The following SP140 variants were observed in gnomAD, a reference collection of about 807,000 sequenced individuals.
SP140 encodes the protein SP140 nuclear body protein, also known as nuclear body protein SP140.
SP140 carries 81 observed loss-of-function variants against 125.0 expected under a neutral mutation model. The observed-to-expected ratio is 0.65, with a 90% confidence interval of 0.54 to 0.78. The LOEUF is 0.78. SP140 is among the 30% of genes least tolerant of loss of function. The probability of loss-of-function intolerance (pLI) is 0.00; values close to 1 mark genes in which losing one functional copy is unlikely to be tolerated. For synonymous variants in SP140, 312 were observed against 354.0 expected, an observed-to-expected ratio of 0.88 and a Z score of 1.33; for missense variants, 858 against 1,037.0, an observed-to-expected ratio of 0.83 and a Z score of 2.37.
the SP140 span, among the ~76,000 whole-genome samples, chr2:230,196,376 A>G: frequency 6.6e-6 from 1 of 152,274 alleles, no homozygotes. Context: ...AAAATAGATA[A>G]CATTGATACA....
upstream of SP140, chr2:230,201,018 C>T (rs2043131105): frequency 2.9e-6 from 4 of 1,395,542 alleles, no homozygotes; most frequent in Admixed American, 3.3e-5. Flanking sequence ...CATGGAGAAT[C>T]TCCCAGAGAC....
chr2:230,206,571 AT>A (rs2043828441), intron 1 of SP140, among the ~76,000 whole-genome samples: 1 of 128,132 alleles, frequency 7.8e-6, no homozygotes, highest in African/African-American at 2.9e-5. Context: ...TGGTCCAGAT[AT>A]TATATATTAT....
At chr2:230,244,951 G>C in intron 5 of SP140, 37 bp from the exon 6 acceptor site, 3 of 1,448,818 alleles carry the variant, frequency 2.1e-6, no homozygotes, top group Non-Finnish European at 2.9e-6. Context: ...GCATCCTGAG[G>C]TCTGTGCTCT....
rs111399897 is a variant in SP140 at position 230,237,973 on chromosome 2, A to C, written c.238-240A>C. Among the ~76,000 whole-genome samples the C allele has an allele frequency of 0.013, 1,968 of 152,338 alleles. 32 individuals carry two copies. Among genetic ancestry groups the C allele is most frequent in the African/African-American group, 0.036 (1,493 of 41,566 alleles). ...GGCTCTAAAGCCATACACAACATTC[A>C]ACTTTGAACCCACACTTATTATTTA... On this transcript the variant is annotated intron_variant, in intron 2 of 26. Coordinates refer to ENST00000392045, the MANE Select transcript of SP140 (RefSeq NM_007237.5). This position sits in a 1 kb window ranked among gnomAD's most constrained non-coding sequence, Gnocchi z 5.4.
intron 12 of SP140, among the ~76,000 whole-genome samples, chr2:230,266,042 G>T (rs867421984): frequency 2.7e-4 from 41 of 152,064 alleles, no homozygotes; most frequent in African/African-American, 9.7e-4. Flanking sequence ...CATGAGAATG[G>T]CCCCAAGATA....
At chr2:230,222,401 G>A (rs2148985553), upstream of SP140, among the ~76,000 whole-genome samples, 1 of 152,172 alleles carries the variant, frequency 6.6e-6, no homozygotes. Flanking sequence ...TTTACCAAAT[G>A]TAGTTACTAC....
chr2:230,304,420 A>C (rs2058572188), intron 22 of SP140, among the ~76,000 whole-genome samples: 1 of 152,232 alleles, frequency 6.6e-6, no homozygotes, highest in Non-Finnish European at 1.5e-5. Context: ...ATTCATACAG[A>C]ACCAAAAAAG....
chr2:230,218,457 C>G (rs953646260), intron 3 of SP140, among the ~76,000 whole-genome samples: 4 of 152,160 alleles, frequency 2.6e-5, no homozygotes, highest in African/African-American at 9.7e-5. Flanking sequence ...GGAGAGAAAT[C>G]TACTATCCAC....
intron 24 of SP140, 54 bp from the exon 25 acceptor site, chr2:230,311,100 T>C (rs1383608009): frequency 1.9e-6 from 3 of 1,610,402 alleles, no homozygotes; most frequent in Non-Finnish European, 2.5e-6. Context: ...GTCTCATGCA[T>C]GTGGGCTCAT....
In SP140 at chr2:230,269,535, C is replaced by T; in HGVS notation, c.1244C>T (p.Ser415Phe). The T allele has an allele frequency of 6.3e-7, 1 of 1,593,040 alleles. No individual in the cohort carries two copies. Among genetic ancestry groups the T allele is most frequent in the Non-Finnish European group, 8.6e-7 (1 of 1,161,234 alleles). ...TAATTTTCTTGTTTCTCATTAGTGT[C>T]TAGTGAACTAGAAAATCACCCAATG... ...SSSLARRGSV[S>F]SELENHPMNE... The change falls in exon 13 of 27, where the codon TCT becomes TTT. Residue 415 changes from serine to phenylalanine, a missense_variant. By Grantham distance (155) the Ser-to-Phe change is radical. This residue lies in a region of SP140 where 791 missense variants were observed against 869.5 expected (regional missense o/e 0.91). Transcript: ENST00000392045.
chr2:230,293,255 A>G (rs2057332101), intron 20 of SP140, among the ~76,000 whole-genome samples: 1 of 152,254 alleles, frequency 6.6e-6, no homozygotes, highest in Admixed American at 6.5e-5. Flanking sequence ...TGCCAGGCTA[A>G]GGAGTTTAAA....
intron 12 of SP140, among the ~76,000 whole-genome samples, chr2:230,269,145 T>G (rs890951624): frequency 1.3e-5 from 2 of 152,136 alleles, no homozygotes; most frequent in African/African-American, 4.8e-5. Context: ...GGGCTTCAGA[T>G]ATGTAGAACT....
chr2:230,267,591 GA>G (rs2053317214), intron 12 of SP140, among the ~76,000 whole-genome samples: 1 of 152,134 alleles, frequency 6.6e-6, no homozygotes, highest in Non-Finnish European at 1.5e-5. Flanking sequence ...TCATTTTAGG[GA>G]AAATTTTGCC....
intron 4 of SP140, among the ~76,000 whole-genome samples, chr2:230,241,993 CTGA>C (rs2048797092): frequency 1.3e-5 from 2 of 151,898 alleles, no homozygotes; most frequent in South Asian, 4.2e-4. Context: ...AGAGGGGAGC[CTGA>C]AAGATAGAAT....
chr2:230,211,387 C>T lies in SP140; in HGVS notation c.-322-2267C>T, dbSNP rs1408312357. The stretch of plus-strand genomic sequence containing the variant: ...TGCTGAGAGGCAGGAGGAGAGCCCC[C>T]TCTCTAGAAGATCCGAATGGCTTTT... On this transcript the variant is annotated intron_variant, in intron 1 of 4. Transcript: ENST00000456542. This position sits in a 1 kb window ranked among gnomAD's most constrained non-coding sequence, Gnocchi z 4.2. 6 of 893,076 alleles carry T rather than the reference C, an allele frequency of 6.7e-6. No homozygotes were observed. Among genetic ancestry groups the T allele is most frequent in the Non-Finnish European group, 1.1e-5 (6 of 525,512 alleles). The allele number at this position is 893,076 out of a possible 1,614,324, so 55.3% of individuals were successfully genotyped here.
Position 230,239,792 on chromosome 2 carries a change from T to C in SP140, c.406+1411T>C, listed in dbSNP as rs2048465127. Among the ~76,000 whole-genome samples the C allele has an allele frequency of 2.6e-5, 4 of 152,174 alleles. 1 individual carries two copies. The highest frequency in any genetic ancestry group is 2.6e-4 in the Admixed American group (4 of 15,274). On this transcript the variant is annotated intron_variant, in intron 3 of 26. Coordinates refer to ENST00000392045, the MANE Select transcript of SP140 (RefSeq NM_007237.5). ...TTGTCCCACGTTTTTAATCTGAGGG[T>C]GGGTGAATCCACAGATCCCAAGCCA...
At chr2:230,222,572 A>T (rs143443509), upstream of SP140, among the ~76,000 whole-genome samples, 73 of 152,074 alleles carry the variant, frequency 4.8e-4, no homozygotes, top group African/African-American at 1.7e-3. Context: ...ACATTTTTTT[A>T]AATTAATTGG....
chr2:230,255,990 T>A (rs183520282), intron 12 of SP140, among the ~76,000 whole-genome samples: 2 of 152,332 alleles, frequency 1.3e-5, no homozygotes, highest in East Asian at 3.9e-4. Flanking sequence ...AATGCTCTTT[T>A]GCCTTTATTT....
At chr2:230,284,172 G>A (rs534824783) in intron 15 of SP140, among the ~76,000 whole-genome samples, 174 bp from the exon 16 acceptor site, 1 of 152,214 alleles carries the variant, frequency 6.6e-6, no homozygotes, top group South Asian at 2.1e-4. Flanking sequence ...CTCATGCAGA[G>A]GTAAAATATA....
Sources: allele counts gnomAD v4.1 joint callset (sites outside exome capture counted in the v4.1 genomes callset), GRCh38; gene constraint gnomAD v4.1.1; regional missense constraint gnomAD v4.1.1; non-coding constraint Gnocchi (gnomAD v3.1); transcripts MANE v1.5; gene names NCBI Gene and HGNC (gene_info 2026-07-23, HGNC 2026-07-21).